The following RIMS1 variants were observed in gnomAD, a reference collection of about 807,000 sequenced individuals.
RIMS1 encodes regulating synaptic membrane exocytosis protein 1.
In RIMS1, 83 loss-of-function variants were observed where a neutral mutation model predicts 214.1. The ratio of observed to expected loss-of-function variants is 0.39; its 90% CI spans 0.32 to 0.47. RIMS1 has a LOEUF of 0.47. Among genes scored for constraint, RIMS1 ranks in the 20% least tolerant of loss-of-function variants. The probability of loss-of-function intolerance (pLI) is 0.99; values close to 1 mark genes in which losing one functional copy is unlikely to be tolerated. For synonymous variants in RIMS1, 793 were observed against 786.8 expected (o/e 1.01, Z -0.13); for missense variants, 2,050 against 2,161.8 (o/e 0.95, Z 1.03).
rs542725779 is a variant in RIMS1 at position 72,261,718 on chromosome 6, G to A, written c.3116+951G>A. ...AATGCATGATTTATTATGTCTGTGT[G>A]TAATATGTAGTTCTGCCCAATAATG... is the stretch of plus-strand genomic sequence containing the variant. On this transcript the variant is annotated intron_variant, in intron 19 of 33. Coordinates refer to ENST00000521978, the MANE Select transcript of RIMS1 (RefSeq NM_014989.7). The A allele has an allele frequency of 4.1e-6, 4 of 985,210 alleles. No homozygotes were observed. In the African/African-American group the frequency reaches 7.0e-5, roughly 17 times the overall value. The allele number at this position is 985,210 out of a possible 1,614,324, so 61.0% of individuals were successfully genotyped here. A position where few individuals can be genotyped will look rare whatever the true frequency, so the allele number is the denominator to read the frequency against.
intron 31 of RIMS1, among the ~76,000 whole-genome samples, chr6:72,395,041 T>A (rs988290714): frequency 6.6e-6 from 1 of 151,998 alleles, no homozygotes; most frequent in Non-Finnish European, 1.5e-5. Flanking sequence ...ATGAGCTAAA[T>A]AGTATACTGA....
At chr6:72,373,691 AT>A (rs932399576) in intron 29 of RIMS1, among the ~76,000 whole-genome samples, 1 of 151,432 alleles carries the variant, frequency 6.6e-6, no homozygotes, top group Non-Finnish European at 1.5e-5. Flanking sequence ...GCTTAGGCAC[AT>A]TTTTTTTTCT....
intron 3 of RIMS1, 92 bp downstream of exon 3, chr6:72,097,254 G>A (rs1045764398): frequency 6.3e-6 from 7 of 1,103,346 alleles, no homozygotes; most frequent in Middle Eastern, 2.9e-4. Context: ...TTAGAAAGCA[G>A]ACATGTGCAT....
chr6:71,946,159 A>C (rs1398674700), intron 1 of RIMS1, among the ~76,000 whole-genome samples: 1 of 152,218 alleles, frequency 6.6e-6, no homozygotes, highest in African/African-American at 2.4e-5. Flanking sequence ...TAATCTATGA[A>C]ATTGAAGAAA....
At chr6:71,983,611 A>C (rs1799074268) in intron 2 of RIMS1, among the ~76,000 whole-genome samples, 2 of 152,272 alleles carry the variant, frequency 1.3e-5, no homozygotes, top group South Asian at 2.1e-4. Context: ...CAGAAGAGGG[A>C]TGTTGCAGAA....
intron 4 of RIMS1, among the ~76,000 whole-genome samples, chr6:72,151,182 A>G (rs1396046604): frequency 6.6e-6 from 1 of 152,108 alleles, no homozygotes; most frequent in South Asian, 2.1e-4. Flanking sequence ...AGCTGGGACT[A>G]CAGGCTCCCG....
chr6:72,012,448 G>A (rs1811100768), intron 2 of RIMS1, among the ~76,000 whole-genome samples: 1 of 152,130 alleles, frequency 6.6e-6, no homozygotes. Flanking sequence ...CCTGCATGTT[G>A]TGCACATGTA....
chr6:72,100,197 A>C (rs975204725), intron 4 of RIMS1, among the ~76,000 whole-genome samples: 46 of 152,096 alleles, frequency 3.0e-4, no homozygotes, highest in African/African-American at 1.0e-3. Flanking sequence ...GTTTGAGTTC[A>C]TGATGACAGT....
intron 1 of RIMS1, among the ~76,000 whole-genome samples, chr6:71,956,334 C>T (rs1024963106): frequency 1.3e-5 from 2 of 151,940 alleles, no homozygotes; most frequent in South Asian, 4.2e-4. Context: ...GACAGGATTT[C>T]ACATAAAGCC....
intron 24 of RIMS1, among the ~76,000 whole-genome samples, chr6:72,286,197 C>CAA (rs149079911): frequency 2.7e-5 from 3 of 110,558 alleles, no homozygotes; most frequent in Non-Finnish European, 3.9e-5. Context: ...AACTCCATCT[C>CAA]AAAAAAAAAA....
chr6:72,006,868 T>C (rs1438674216), intron 2 of RIMS1, among the ~76,000 whole-genome samples: 1 of 152,204 alleles, frequency 6.6e-6, no homozygotes, highest in Non-Finnish European at 1.5e-5. Flanking sequence ...GAAGGAGGTC[T>C]GCCTGCCTTT....
Position 72,213,168 on chromosome 6 carries a change from G to A in RIMS1, c.1679-20605G>A, listed in dbSNP as rs368222652. The A allele has an allele frequency of 3.6e-5, 55 of 1,536,888 alleles. 1 individual carries two copies. The highest frequency in any genetic ancestry group is 6.0e-5 in the South Asian group (5 of 84,030). On this transcript the variant is annotated intron_variant, in intron 6 of 33. Coordinates refer to ENST00000521978, the MANE Select transcript of RIMS1 (RefSeq NM_014989.7). ...TGTCTCTTCAGAAGGGTGGGAAGAA[G>A]TGAGGTCTGTTGATTCCGAAGAGGG...
intron 4 of RIMS1, among the ~76,000 whole-genome samples, chr6:72,142,541 T>C (rs1165422030): frequency 6.6e-6 from 1 of 152,074 alleles, no homozygotes; most frequent in Non-Finnish European, 1.5e-5. Flanking sequence ...AGATCATCAA[T>C]AAAAGATAGC....
At chr6:72,356,742 A>G (rs993309327) in intron 29 of RIMS1, among the ~76,000 whole-genome samples, 2 of 152,102 alleles carry the variant, frequency 1.3e-5, no homozygotes, top group Non-Finnish European at 2.9e-5. Flanking sequence ...CCTGGGTGAC[A>G]AGAGCAAAAC....
chr6:72,106,665 T>C (rs1473892112), intron 4 of RIMS1, among the ~76,000 whole-genome samples: 2 of 152,190 alleles, frequency 1.3e-5, no homozygotes, highest in Non-Finnish European at 2.9e-5. Context: ...GTTTGTTTGT[T>C]TTATTTTGCT....
rs2095623079 is a variant in RIMS1, at chr6:72,313,681, G to A, written c.4130+9G>A. Reference sequence around the variant, plus strand: ...CCCAGGGGTAGAATCAGGTGAGTTGGCAATACTGTTTATATAAACTGGATC... The same window carrying A: ...CCCAGGGGTAGAATCAGGTGAGTTGACAATACTGTTTATATAAACTGGATC... On this transcript the variant is annotated intron_variant, in intron 28 of 33. Transcript: ENST00000521978. 1.2e-6 allele frequency: 2 copies of A among 1,606,126 alleles called. No individual in the cohort carries two copies. Among genetic ancestry groups the A allele is most frequent in the East Asian group, 4.5e-5 (2 of 44,706 alleles).
chr6:72,305,847 G>A (rs976882731), intron 26 of RIMS1, among the ~76,000 whole-genome samples: 14 of 152,082 alleles, frequency 9.2e-5, no homozygotes, highest in Admixed American at 7.2e-4. Flanking sequence ...GGTTGTTAGG[G>A]ATTTGAGATT....
intron 2 of RIMS1, among the ~76,000 whole-genome samples, chr6:71,997,696 A>T (rs1184514762): frequency 6.6e-6 from 1 of 152,236 alleles, no homozygotes; most frequent in African/African-American, 2.4e-5. Flanking sequence ...ATGCAATTAC[A>T]GGCAACAGGA....
chr6:72,126,684 C>T (rs944643517), intron 4 of RIMS1: 1 of 265,162 alleles, frequency 3.8e-6, no homozygotes, highest in Non-Finnish European at 7.5e-6. Flanking sequence ...AAATGCTCAG[C>T]ATCACTGATT....
Sources: gnomAD v4.1 joint callset for allele counts (sites outside exome capture counted in the v4.1 genomes callset) on GRCh38, gnomAD v4.1.1 for gene constraint, MANE v1.5 for transcripts, NCBI Gene and HGNC (gene_info 2026-07-23, HGNC 2026-07-21) for gene names.